SLC14A2: variants seen among roughly 807,000 people sequenced by gnomAD.
SLC14A2 encodes the protein urea transporter 2.
A neutral mutation model predicts 104.6 loss-of-function variants in SLC14A2; 91 were observed. That is an observed-to-expected ratio of 0.87 (90% CI 0.73 to 1.04). SLC14A2 has a LOEUF of 1.04. Among genes scored for constraint, SLC14A2 ranks in the 50% least tolerant of loss-of-function variants. The probability of loss-of-function intolerance (pLI) is 0.00; values close to 1 mark genes in which losing one functional copy is unlikely to be tolerated. For synonymous variants in SLC14A2, 476 were observed against 466.4 expected, an observed-to-expected ratio of 1.02 and a Z score of -0.27; for missense variants, 1,189 against 1,156.0, an observed-to-expected ratio of 1.03 and a Z score of -0.41.
intron 2 of SLC14A2, among the ~76,000 whole-genome samples, chr18:45,573,362 AAGAGATGTT>A (rs1336759831): frequency 6.6e-6 from 1 of 151,368 alleles, no homozygotes; most frequent in African/African-American, 2.4e-5. Flanking sequence ...GCCCCACCAG[AAGAGATGTT>A]AGAGATGTTA....
At chr18:45,424,823 G>A (rs1189439168) in intron 1 of SLC14A2, among the ~76,000 whole-genome samples, 1 of 152,134 alleles carries the variant, frequency 6.6e-6, no homozygotes, top group East Asian at 1.9e-4. Context: ...TTCCAAGTTT[G>A]CTATAGCAAC....
chr18:45,499,348 A>C (rs1416804424), intron 2 of SLC14A2, among the ~76,000 whole-genome samples: 1 of 152,242 alleles, frequency 6.6e-6, no homozygotes, highest in South Asian at 2.1e-4. Flanking sequence ...CTATGATGTC[A>C]TGTGGCTGAT....
At chr18:45,272,300 T>A (rs933468046) in intron 1 of SLC14A2, among the ~76,000 whole-genome samples, 1 of 152,132 alleles carries the variant, frequency 6.6e-6, no homozygotes, top group African/African-American at 2.4e-5. Context: ...CTCCTGTTTG[T>A]TGCAGCACTG....
chr18:45,467,392 A>G (rs1214565939), intron 1 of SLC14A2, among the ~76,000 whole-genome samples: 2 of 152,152 alleles, frequency 1.3e-5, no homozygotes, highest in Non-Finnish European at 2.9e-5. Context: ...GAGGTTTGGC[A>G]TCAGCCCCTG....
chr18:45,619,718 G>C (rs1253848257), intron 1 of SLC14A2, among the ~76,000 whole-genome samples: 1 of 151,974 alleles, frequency 6.6e-6, no homozygotes, highest in African/African-American at 2.4e-5. Flanking sequence ...GCTCGGGCAG[G>C]GATTTCACAT....
chr18:45,338,712 A>AAAAAAAAT (rs1568158107), intron 1 of SLC14A2, among the ~76,000 whole-genome samples: 3 of 143,936 alleles, frequency 2.1e-5, no homozygotes, highest in Admixed American at 7.0e-5. Flanking sequence ...AAAAAAAAAA[A>AAAAAAAAT]CTCTTTATTT....
At chr18:45,211,981 G>A (rs2093681888), upstream of SLC14A2, among the ~76,000 whole-genome samples, 1 of 152,086 alleles carries the variant, frequency 6.6e-6, no homozygotes, top group South Asian at 2.1e-4. Flanking sequence ...TATACATGTG[G>A]ATTTGATATA....
intron 1 of SLC14A2, among the ~76,000 whole-genome samples, chr18:45,346,826 G>A (rs2085452810): frequency 6.6e-6 from 1 of 152,028 alleles, no homozygotes; most frequent in Non-Finnish European, 1.5e-5. Context: ...GCCTGGCGTG[G>A]TGGCGGGCAC....
chr18:45,434,540 T>C lies in SLC14A2; in HGVS notation c.-124-48693T>C, dbSNP rs180803460. On this transcript the variant is annotated intron_variant, in intron 1 of 20. Coordinates refer to the SLC14A2 transcript ENST00000586448. ...CATTAAACTGTTATGCACATGTGGA[T>C]AGCACCAGTGGATTTCCTGCACAGA... Among the ~76,000 whole-genome samples, 189 of 152,308 alleles carry C rather than the reference T, an allele frequency of 1.2e-3. 1 individual carries two copies. Among genetic ancestry groups the C allele is most frequent in the Non-Finnish European group, 1.6e-4 (11 of 68,032 alleles).
chr18:45,669,420 C>T lies in SLC14A2; in HGVS notation c.2151C>T (p.Asn717=), dbSNP rs138732488. The change falls in exon 16 of 20, where the codon AAC becomes AAT. Residue 717 remains asparagine, a synonymous_variant. Coordinates refer to ENST00000255226, the MANE Select transcript of SLC14A2 (RefSeq NM_007163.4). ...ACCTGGCAGCCACGGGCCACTACAA[C>T]CTTTTCTTCCCCACAACGCTGCTGC... is the stretch of plus-strand genomic sequence containing the variant. ...TLYLAATGHY[N]LFFPTTLLQP... 1.2e-5 allele frequency: 20 copies of T among 1,614,158 alleles called. No homozygotes were observed. In the Admixed American group the frequency reaches 3.2e-4, roughly 26 times the overall value.
upstream of SLC14A2, among the ~76,000 whole-genome samples, chr18:45,611,952 T>C (rs963295232): frequency 6.6e-6 from 1 of 152,242 alleles, no homozygotes; most frequent in African/African-American, 2.4e-5. Flanking sequence ...GTAAAGTTCA[T>C]AGTCTGCAAT....
At chr18:45,285,517 G>A (rs2084804462) in intron 1 of SLC14A2, among the ~76,000 whole-genome samples, 2 of 152,020 alleles carry the variant, frequency 1.3e-5, no homozygotes, top group Non-Finnish European at 2.9e-5. Flanking sequence ...CTCCAGGTTG[G>A]AGCAATTCTC....
intron 1 of SLC14A2, among the ~76,000 whole-genome samples, chr18:45,621,548 A>T (rs1321933620): frequency 6.6e-6 from 1 of 152,144 alleles, no homozygotes; most frequent in Non-Finnish European, 1.5e-5. Flanking sequence ...AGTGTTCCCT[A>T]TCTATCAGTC....
At chr18:45,355,697 A>G (rs1005977659) in intron 1 of SLC14A2, among the ~76,000 whole-genome samples, 4 of 151,870 alleles carry the variant, frequency 2.6e-5, no homozygotes, top group African/African-American at 9.7e-5. Flanking sequence ...CAGTCAGGCT[A>G]CATAAGGCTT....
In SLC14A2 at chr18:45,259,510, T is replaced by C. The variant is rs941477544; in HGVS notation, c.-125+46319T>C. Among the ~76,000 whole-genome samples, 21 of 152,176 alleles carry C rather than the reference T, an allele frequency of 1.4e-4. 1 individual carries two copies. The highest frequency in any genetic ancestry group is 5.2e-4 in the Admixed American group (8 of 15,278). ...ACTCAGGATTCCAAGTTGGCTGCCT[T>C]ATGTTTGGCCAGAAATAATTTAGAA... On this transcript the variant is annotated intron_variant, in intron 1 of 20. Coordinates refer to the SLC14A2 transcript ENST00000586448.
chr18:45,474,289 T>C (rs532052851), intron 1 of SLC14A2, among the ~76,000 whole-genome samples: 10 of 152,348 alleles, frequency 6.6e-5, no homozygotes, highest in African/African-American at 1.7e-4. Context: ...CCGTATTTTA[T>C]TGAGGATTTT....
intron 1 of SLC14A2, among the ~76,000 whole-genome samples, chr18:45,216,378 T>C (rs975525612): frequency 2.6e-5 from 4 of 152,180 alleles, no homozygotes; most frequent in African/African-American, 9.7e-5. Flanking sequence ...CTGTCCTCCC[T>C]GCTGGCCAAC....
chr18:45,280,275 C>A (rs2084748675), intron 1 of SLC14A2, among the ~76,000 whole-genome samples: 1 of 152,116 alleles, frequency 6.6e-6, no homozygotes, highest in African/African-American at 2.4e-5. Flanking sequence ...ACAGGAATCA[C>A]AACAAAGACC....
At chr18:45,334,762 C>A (rs556477364) in intron 1 of SLC14A2, among the ~76,000 whole-genome samples, 1 of 152,114 alleles carries the variant, frequency 6.6e-6, no homozygotes, top group Non-Finnish European at 1.5e-5. Flanking sequence ...TGGGAGCAAG[C>A]CTGCAGCACA....
Sources: allele counts gnomAD v4.1 joint callset (sites outside exome capture counted in the v4.1 genomes callset), GRCh38; gene constraint gnomAD v4.1.1; transcripts MANE v1.5; gene names NCBI Gene and HGNC (gene_info 2026-07-23, HGNC 2026-07-21).